Variants in TFDP2 observed in about 807,000 individuals in gnomAD.
TFDP2 encodes transcription factor Dp-2.
A neutral mutation model predicts 59.3 loss-of-function variants in TFDP2; 17 were observed. The observed-to-expected ratio is 0.29, with a 90% CI of 0.20 to 0.43. The LOEUF is 0.43. Among genes scored for constraint, TFDP2 ranks in the 20% least tolerant of loss-of-function variants. The probability of loss-of-function intolerance (pLI) is 1.00; values close to 1 mark genes in which losing one functional copy is unlikely to be tolerated. For missense variants in TFDP2, 391 were observed against 528.8 expected (o/e 0.74, Z 2.56); for synonymous variants, 180 against 194.7 (o/e 0.92, Z 0.63).
intron 1 of TFDP2, among the ~76,000 whole-genome samples, chr3:142,120,374 AAAAG>A (rs1032840340): frequency 3.3e-5 from 5 of 152,216 alleles, no homozygotes; most frequent in African/African-American, 7.2e-5. Flanking sequence ...AAAAAAGAAA[AAAAG>A]AAAGAAAACA....
At chr3:142,051,044 G>A (rs1007059899) in intron 3 of TFDP2, among the ~76,000 whole-genome samples, 3 of 152,198 alleles carry the variant, frequency 2.0e-5, no homozygotes, top group East Asian at 3.9e-4. Context: ...TAACAAAATC[G>A]AAAGATTACA....
At chr3:142,063,050 C>T (rs1010416922) in intron 3 of TFDP2, among the ~76,000 whole-genome samples, 2 of 152,104 alleles carry the variant, frequency 1.3e-5, no homozygotes, top group African/African-American at 4.8e-5. Context: ...TATAAAACGT[C>T]ACTGAGCTGT....
chr3:142,026,334 A>G (rs1489153626), intron 3 of TFDP2, among the ~76,000 whole-genome samples: 1 of 152,118 alleles, frequency 6.6e-6, no homozygotes, highest in Non-Finnish European at 1.5e-5. Flanking sequence ...AAACAACAAA[A>G]AAAAACAACA....
chr3:142,052,468 C>G (rs1046936188), intron 3 of TFDP2, among the ~76,000 whole-genome samples: 1 of 152,010 alleles, frequency 6.6e-6, no homozygotes, highest in Non-Finnish European at 1.5e-5. Context: ...TGGCGTGAAC[C>G]CAGGAGACGG....
chr3:142,107,560 A>G (rs973921653), intron 1 of TFDP2, among the ~76,000 whole-genome samples: 3 of 152,096 alleles, frequency 2.0e-5, no homozygotes, highest in Admixed American at 2.0e-4. Context: ...GAAAGGGATA[A>G]TATGTAACTT....
chr3:142,127,042 A>C (rs987594438), intron 1 of TFDP2, among the ~76,000 whole-genome samples: 6 of 149,796 alleles, frequency 4.0e-5, no homozygotes, highest in African/African-American at 1.5e-4. Context: ...CAGATATCTT[A>C]TAGATATCTA....
At chr3:142,039,876 C>G (rs1946875564) in intron 3 of TFDP2, among the ~76,000 whole-genome samples, 1 of 152,056 alleles carries the variant, frequency 6.6e-6, no homozygotes, top group East Asian at 1.9e-4. Context: ...CATCTGGTAC[C>G]CCAGGCTCCA....
intron 3 of TFDP2, among the ~76,000 whole-genome samples, chr3:142,058,001 T>A (rs925374135): frequency 3.3e-5 from 5 of 152,232 alleles, no homozygotes; most frequent in Non-Finnish European, 7.3e-5. Flanking sequence ...TTTCTCCTTA[T>A]GGCCTATAAA....
At chr3:142,128,801 A>T (rs1048632974) in intron 1 of TFDP2, among the ~76,000 whole-genome samples, 1 of 152,044 alleles carries the variant, frequency 6.6e-6, no homozygotes, top group Non-Finnish European at 1.5e-5. Flanking sequence ...ATTTTTTTTT[A>T]AAGTAGAAAA....
chr3:141,988,192 T>C (rs75455945), intron 6 of TFDP2, among the ~76,000 whole-genome samples: 11,327 of 152,202 alleles, frequency 0.074, 526 homozygotes, highest in Non-Finnish European at 0.11. Flanking sequence ...GAGAATCGCC[T>C]GGGTTGGCCT....
chr3:141,997,453 C>T (rs1027515351), intron 4 of TFDP2, among the ~76,000 whole-genome samples: 2 of 152,078 alleles, frequency 1.3e-5, no homozygotes, highest in Admixed American at 1.3e-4. Flanking sequence ...CTATTCTAAG[C>T]ATTCCAATTT....
In TFDP2 at chr3:142,132,983, T is replaced by C. The variant is rs368210605; in HGVS notation, c.-93+16200A>G. Among the ~76,000 whole-genome samples the C allele has an allele frequency of 1.7e-4, 26 of 149,850 alleles. 2 individuals are homozygous for C. The East Asian group carries it at 3.9e-3, about 22-fold the overall frequency. ...ATAAAAATACTAACAAACCATTTTA[T>C]GGAGCTGAACAAGCTGATATTGACA... On this transcript the variant is annotated intron_variant, in intron 1 of 12. Coordinates refer to ENST00000489671, the MANE Select transcript of TFDP2 (RefSeq NM_001178139.2).
intron 3 of TFDP2, among the ~76,000 whole-genome samples, chr3:142,073,107 G>A (rs1477374814): frequency 1.3e-5 from 2 of 152,210 alleles, no homozygotes; most frequent in African/African-American, 4.8e-5. Flanking sequence ...TGATGAAAAT[G>A]TCACCCAGGC....
intron 3 of TFDP2, among the ~76,000 whole-genome samples, chr3:142,033,543 C>T (rs147170487): frequency 1.4e-4 from 22 of 152,202 alleles, no homozygotes; most frequent in African/African-American, 3.6e-4. Context: ...GAGGCCTACA[C>T]GAGCTACGTG....
intron 3 of TFDP2, among the ~76,000 whole-genome samples, chr3:142,025,065 T>C (rs978786487): frequency 1.3e-5 from 2 of 152,216 alleles, no homozygotes; most frequent in African/African-American, 4.8e-5. Context: ...AAATTGATTA[T>C]GACTGGAAGT....
intron 8 of TFDP2, among the ~76,000 whole-genome samples, chr3:141,972,092 AT>A (rs1235264533): frequency 1.3e-5 from 2 of 152,152 alleles, no homozygotes; most frequent in African/African-American, 4.8e-5. Context: ...GTTTCCATTC[AT>A]GGTTCCTCTA....
chr3:142,111,277 A>C (rs2061649148), intron 1 of TFDP2, among the ~76,000 whole-genome samples: 1 of 151,956 alleles, frequency 6.6e-6, no homozygotes, highest in African/African-American at 2.4e-5. Flanking sequence ...AAAAATACAA[A>C]AATTAGCCGG....
chr3:142,073,945 C>T (rs985741409), intron 3 of TFDP2, among the ~76,000 whole-genome samples: 1 of 152,144 alleles, frequency 6.6e-6, no homozygotes, highest in Non-Finnish European at 1.5e-5. Context: ...AAAAGCTGAT[C>T]CCCAAACTCA....
At chr3:142,059,157 G>A (rs1173269457) in intron 3 of TFDP2, among the ~76,000 whole-genome samples, 1 of 152,216 alleles carries the variant, frequency 6.6e-6, no homozygotes, top group Non-Finnish European at 1.5e-5. Context: ...ATCAGTAGCA[G>A]TCATAGATAT....
Sources: allele counts gnomAD v4.1 joint callset (sites outside exome capture counted in the v4.1 genomes callset), GRCh38; gene constraint gnomAD v4.1.1; transcripts MANE v1.5; gene names NCBI Gene and HGNC (gene_info 2026-07-23, HGNC 2026-07-21).